ZNF205: variants seen among roughly 807,000 people sequenced by gnomAD.
The protein encoded by ZNF205 is transcriptional repressor RHIT.
ZNF205 carries 32 observed loss-of-function variants against 53.6 expected under a neutral mutation model. The observed-to-expected ratio is 0.60, with a 90% confidence interval of 0.45 to 0.80. ZNF205 has a LOEUF of 0.80. ZNF205 is among the 30% of genes least tolerant of loss of function. The pLI, the probability that ZNF205 is intolerant of heterozygous loss-of-function variation, is 0.00. For synonymous variants in ZNF205, 382 were observed against 334.3 expected, an observed-to-expected ratio of 1.14 and a Z score of -1.56; for missense variants, 836 against 782.4, an observed-to-expected ratio of 1.07 and a Z score of -0.82.
At position 3,120,077 on chromosome 16, in the gene ZNF205, G is replaced by C. The variant is rs776176005; in HGVS notation, c.1417G>C (p.Glu473Gln). The C allele has an allele frequency of 1.2e-6, 2 of 1,613,880 alleles. No homozygotes were observed. The highest frequency in any genetic ancestry group is 1.3e-5 in the African/African-American group (1 of 75,034). ...CGCGCACAACCGCACACACACAGGCGAGAAGCCCTACCACTGCCTCGACTG... is the reference window on the plus strand; with the variant it reads ...CGCGCACAACCGCACACACACAGGCCAGAAGCCCTACCACTGCCTCGACTG... ...LIAHNRTHTG[E>Q]KPYHCLDCGK... The change falls in exon 7 of 7, where the codon GAG becomes CAG. Residue 473 changes from glutamate (E) to glutamine (Q), a missense_variant. Physicochemically the swap from Glu to Gln is conservative, Grantham distance 29. Transcript: ENST00000219091.
At chr16:3,118,339 C>G (rs1049175218) in intron 5 of ZNF205, among the ~76,000 whole-genome samples, 2 of 152,224 alleles carry the variant, frequency 1.3e-5, no homozygotes, top group African/African-American at 4.8e-5. Context: ...CAGGCAAGTC[C>G]TGAGGGATCA....
chr16:3,119,914 G>C lies in ZNF205; in HGVS notation c.1254G>C (p.Lys418Asn). Residue 418 changes from lysine to asparagine, a missense_variant, in exon 7 of 7, where the codon AAG (lysine) becomes AAC (asparagine). Coordinates refer to ENST00000219091, the MANE Select transcript of ZNF205 (RefSeq NM_001042428.2). ...ACCAGGGCACCCACACGGGCGCCAA[G>C]CCGCACAAGTGCCCCATCTGCGCCA... is the stretch of plus-strand genomic sequence containing the variant. ...VTHQGTHTGA[K>N]PHKCPICAKC... The C allele has an allele frequency of 6.2e-7, 1 of 1,613,622 alleles. No homozygotes were observed. Among genetic ancestry groups the C allele is most frequent in the Non-Finnish European group, 8.5e-7 (1 of 1,179,920 alleles).
At chr16:3,115,260 T>TG in intron 2 of ZNF205, 95 bp from the exon 3 acceptor site, 1 of 978,724 alleles carries the variant, frequency 1.0e-6, no homozygotes, top group Non-Finnish European at 1.4e-6. Flanking sequence ...AGCTGCGTCT[T>TG]GCATGTTGGT....
rs773121646 is a variant in ZNF205 at position 3,112,697 on chromosome 16, C to T, written c.-15+15C>T. On this transcript the variant is annotated intron_variant, in intron 1 of 6. Coordinates refer to ENST00000219091, the MANE Select transcript of ZNF205 (RefSeq NM_001042428.2). The stretch of plus-strand genomic sequence containing the variant: ...CCTCCACCCCGGTGAGAAGGGGGTG[C>T]TGGGGAGGGCATCTGGATCCCGAGA... The T allele has an allele frequency of 7.0e-5, 20 of 286,722 alleles. No homozygotes were observed. Among genetic ancestry groups the T allele is most frequent in the Non-Finnish European group, 1.2e-4 (17 of 142,298 alleles). 17.8% of individuals were successfully genotyped at this position (286,722 alleles called of 1,614,324 possible).
chr16:3,118,959 C>T lies in ZNF205; in HGVS notation c.539C>T (p.Ala180Val), dbSNP rs745739362. ...CCTCAAGCGCACGGCAAGGGTGAGG[C>T]CTCGGGCTCCAGCCGGCAGGCAGGA... is the stretch of plus-strand genomic sequence containing the variant. ...WAPQAHGKGE[A>V]SGSSRQAGDE... The change falls in exon 6 of 7, where the codon GCC becomes GTC. Residue 180 changes from alanine (A) to valine (V), a missense_variant. Ala to Val is a moderately conservative substitution (Grantham distance 64, BLOSUM62 0). Coordinates refer to ENST00000219091, the MANE Select transcript of ZNF205 (RefSeq NM_001042428.2). The T allele has an allele frequency of 4.3e-6, 7 of 1,613,540 alleles. No individual in the cohort carries two copies. The highest frequency in any genetic ancestry group is 4.0e-5 in the African/African-American group (3 of 74,946).
Position 3,119,159 on chromosome 16 carries a change from C to T in ZNF205, c.596-97C>T, listed in dbSNP as rs1596299860. 2.7e-6 allele frequency: 4 copies of T among 1,508,184 alleles called. No individual in the cohort carries two copies. In the East Asian group the frequency reaches 9.1e-5, roughly 34 times the overall value. The allele number at this position is 1,508,184 out of a possible 1,614,324, so 93.4% of individuals were successfully genotyped here. A position where few individuals can be genotyped will look rare whatever the true frequency, so the allele number is the denominator to read the frequency against. ...GGGCGGCCCTTGCGCTTTCTGGTCT[C>T]TGAGAATCCAGCCCCCACCCTTAGC... On this transcript the variant is annotated intron_variant, in intron 6 of 6. Coordinates refer to ENST00000219091, the MANE Select transcript of ZNF205 (RefSeq NM_001042428.2).
At chr16:3,113,597 G>T in intron 2 of ZNF205, 110 bp downstream of exon 2, 1 of 1,212,944 alleles carries the variant, frequency 8.2e-7, no homozygotes, top group East Asian at 2.5e-5. Context: ...ACTGGGGTGG[G>T]GAGATCAAAG....
chr16:3,118,326 GCCCA>G (rs1341913726), intron 5 of ZNF205, among the ~76,000 whole-genome samples: 1 of 152,038 alleles, frequency 6.6e-6, no homozygotes, highest in African/African-American at 2.4e-5. Flanking sequence ...GGGCCAGCAA[GCCCA>G]GGCAAGTCCT....
chr16:3,119,310 A>G lies in ZNF205; in HGVS notation c.650A>G (p.Asn217Ser), dbSNP rs1416956082. The G allele has an allele frequency of 3.7e-6, 6 of 1,611,442 alleles. No homozygotes were observed. Among genetic ancestry groups the G allele is most frequent in the African/African-American group, 2.7e-5 (2 of 74,966 alleles). ...VQTSSVAALG[N>S]VKPFRTRAGR... ...ACCTCATCCGTGGCAGCCCTTGGGA[A>G]TGTGAAGCCCTTCAGAACCAGGGCA... is the stretch of plus-strand genomic sequence containing the variant. The change falls in exon 7 of 7, where the codon AAT becomes AGT. Residue 217 changes from asparagine (N) to serine (S), a missense_variant. Transcript: ENST00000219091.
chr16:3,115,646 G>C, intron 3 of ZNF205, 78 bp downstream of exon 3: 1 of 1,466,170 alleles, frequency 6.8e-7, no homozygotes, highest in Non-Finnish European at 9.1e-7. Flanking sequence ...AGGTCCAGGT[G>C]GGGCTGAGGG....
Position 3,119,477 on chromosome 16 carries a change from C to T in ZNF205, c.817C>T (p.Pro273Ser), listed in dbSNP as rs780501710. 2 of 1,589,920 alleles carry T rather than the reference C, an allele frequency of 1.3e-6. No homozygotes were observed. Among genetic ancestry groups the T allele is most frequent in the African/African-American group, 1.3e-5 (1 of 74,380 alleles). ...AAPPDPSPTE[P>S]QEYRVPEKPN... ...TCCGCCAGACCCCAGTCCCACGGAG[C>T]CCCAGGAGTACCGCGTCCCGGAGAA... Residue 273 changes from proline to serine, a missense_variant, in exon 7 of 7, where the codon CCC becomes TCC. Pro to Ser is a moderately conservative substitution (Grantham distance 74). Transcript: ENST00000219091.
rs747376481 is a variant in ZNF205, at chr16:3,115,870, A to T, written c.313A>T (p.Arg105Trp). 7 of 1,613,736 alleles carry T rather than the reference A, an allele frequency of 4.3e-6. No individual in the cohort carries two copies. The highest frequency in any genetic ancestry group is 4.0e-5 in the African/African-American group (3 of 74,894). ...GATCCCCGTGCTTTCCCGAGAGGGG[A>T]GGACCAGAGACCGGCAGATGGCTGC... Reference protein sequence around the residue: ...PRIPVLSREGRTRDRQMAAAL... With the variant: ...PRIPVLSREGWTRDRQMAAAL... Residue 105 changes from arginine (R) to tryptophan (W), a missense_variant, in exon 4 of 7, where the codon AGG (arginine) becomes TGG (tryptophan). Coordinates refer to ENST00000219091, the MANE Select transcript of ZNF205 (RefSeq NM_001042428.2).
intron 3 of ZNF205, 47 bp from the exon 4 acceptor site, chr16:3,115,782 T>C (rs770999906): frequency 6.4e-7 from 1 of 1,558,386 alleles, no homozygotes; most frequent in East Asian, 2.3e-5. Context: ...TAGCAGCAGG[T>C]CCAGCAGGAT....
chr16:3,116,975 T>C (rs1957354256), intron 5 of ZNF205, among the ~76,000 whole-genome samples: 1 of 152,088 alleles, frequency 6.6e-6, no homozygotes. Flanking sequence ...TTTGTATTTT[T>C]AGTAGAGATG....
chr16:3,115,281 G>C, intron 2 of ZNF205, 74 bp from the exon 3 acceptor site: 1 of 1,233,044 alleles, frequency 8.1e-7, no homozygotes, highest in Non-Finnish European at 1.1e-6. Flanking sequence ...TTCCGACGCT[G>C]CCGGAGCGCA....
rs1287289667 is a variant in ZNF205, at chr16:3,116,564, A to T, written c.484+17A>T. The T allele has an allele frequency of 3.1e-6, 5 of 1,611,342 alleles. No homozygotes were observed. The highest frequency in any genetic ancestry group is 4.2e-6 in the Non-Finnish European group (5 of 1,178,798). ...TGTCACTGGGTAAGCACTCGCCTGG[A>T]GGGGGGACTGGGGTGTTAGGGAGAG... is the stretch of plus-strand genomic sequence containing the variant. On this transcript the variant is annotated intron_variant, in intron 5 of 6. Coordinates refer to ENST00000219091, the MANE Select transcript of ZNF205 (RefSeq NM_001042428.2).
At chr16:3,114,338 T>C (rs964730960) in intron 2 of ZNF205, among the ~76,000 whole-genome samples, 5 of 152,198 alleles carry the variant, frequency 3.3e-5, no homozygotes, top group African/African-American at 1.2e-4. Context: ...CATCATTATC[T>C]GCGTGAACCT....
intron 5 of ZNF205, among the ~76,000 whole-genome samples, chr16:3,118,320 C>T (rs977668150): frequency 6.6e-6 from 1 of 152,096 alleles, no homozygotes; most frequent in African/African-American, 2.4e-5. Context: ...GTGCCTGGGC[C>T]AGCAAGCCCA....
At position 3,115,941 on chromosome 16, in the gene ZNF205, C is replaced by G. The variant is rs765234229; in HGVS notation, c.363+21C>G. 6 of 1,607,056 alleles carry G rather than the reference C, an allele frequency of 3.7e-6. No individual in the cohort carries two copies. The Admixed American group carries it at 5.1e-5, about 14-fold the overall frequency. On this transcript the variant is annotated intron_variant, in intron 4 of 6. Coordinates refer to ENST00000219091, the MANE Select transcript of ZNF205 (RefSeq NM_001042428.2). ...CCCAGGTGAGTGGCCCTTCCCCGGC[C>G]CCTGCATGGTACTCAGCCCTTCCTG...
Sources: allele counts gnomAD v4.1 joint callset (sites outside exome capture counted in the v4.1 genomes callset), GRCh38; gene constraint gnomAD v4.1.1; transcripts MANE v1.5; gene names NCBI Gene and HGNC (gene_info 2026-07-23, HGNC 2026-07-21).